Variants in ADGRV1 observed in about 807,000 individuals in gnomAD.
ADGRV1 encodes the protein G-protein coupled receptor 98.
Under a neutral mutation model 596.2 loss-of-function variants are expected in ADGRV1, and 359 were observed. That is an observed-to-expected ratio of 0.60 (90% CI 0.55 to 0.66). The LOEUF (loss-of-function observed/expected upper bound fraction) is 0.66, where lower values mean the gene tolerates loss of function less well. Ranked by LOEUF, ADGRV1 falls within the 30% of genes least tolerant of loss-of-function variation. The pLI is 0.00. For missense variants in ADGRV1, 7,274 were observed against 7,575.6 expected (o/e 0.96, Z 1.48); for synonymous variants, 2,681 against 2,679.2 (o/e 1.00, Z -0.02).
At chr5:91,051,106 G>T (rs1309797245) in intron 85 of ADGRV1, among the ~76,000 whole-genome samples, 1 of 152,184 alleles carries the variant, frequency 6.6e-6, no homozygotes, top group Non-Finnish European at 1.5e-5. Context: ...AGCACAACAT[G>T]AGATACAGAA....
chr5:90,611,346 G>A (rs567025399), intron 1 of ADGRV1, among the ~76,000 whole-genome samples: 1 of 152,020 alleles, frequency 6.6e-6, no homozygotes, highest in South Asian at 2.1e-4. Flanking sequence ...GACTCTGTCA[G>A]AACCTCACAG....
At chr5:91,135,585 T>G (rs991094859) in intron 87 of ADGRV1, among the ~76,000 whole-genome samples, 1 of 152,234 alleles carries the variant, frequency 6.6e-6, no homozygotes, top group African/African-American at 2.4e-5. Flanking sequence ...AGCTTTTAAT[T>G]CATAGAAGCT....
intron 85 of ADGRV1, among the ~76,000 whole-genome samples, chr5:91,001,308 C>T (rs892940921): frequency 1.3e-5 from 2 of 152,052 alleles, no homozygotes; most frequent in African/African-American, 4.8e-5. Flanking sequence ...GTACTGCTGA[C>T]CTGGAGGAAT....
Position 90,647,874 on chromosome 5 carries a change from C to T in ADGRV1, c.3289+110C>T, listed in dbSNP as rs13164404. On this transcript the variant is annotated intron_variant, in intron 17 of 89. Transcript: ENST00000405460. Reference sequence around the variant, plus strand: ...CAAGTAGGGCCTAACTACATTTGTACTATTCAAGAGTAAAATTATTTCATT... The same window carrying T: ...CAAGTAGGGCCTAACTACATTTGTATTATTCAAGAGTAAAATTATTTCATT... The T allele has an allele frequency of 0.073, 66,405 of 912,340 alleles. 2,822 individuals are homozygous for T. The highest frequency in any genetic ancestry group is 0.084 in the Non-Finnish European group (51,426 of 611,564). The allele number at this position is 912,340 out of a possible 1,614,324, so 56.5% of individuals were successfully genotyped here. A position where few individuals can be genotyped will look rare whatever the true frequency, so the allele number is the denominator to read the frequency against.
rs368717662 is a variant in ADGRV1, at chr5:91,011,504, C to G, written c.18152+25982C>G. ...GCCTAGATTCTAGGGAATTTCACTC[C>G]ACATTTTACCTCATCTATTTAGAAC... On this transcript the variant is annotated intron_variant, in intron 85 of 89. Coordinates refer to ENST00000405460, the MANE Select transcript of ADGRV1 (RefSeq NM_032119.4). 1.4e-4 allele frequency among the ~76,000 whole-genome samples: 22 copies of G among 151,960 alleles called. 1 individual carries two copies. In the South Asian group the frequency reaches 4.6e-3, roughly 32 times the overall value.
chr5:90,824,765 A>C, intron 76 of ADGRV1, among the ~76,000 whole-genome samples: 1 of 152,228 alleles, frequency 6.6e-6, no homozygotes, highest in Non-Finnish European at 1.5e-5. Flanking sequence ...ATATCAGTTA[A>C]ACAGTTGACT....
rs377474704 is a variant in ADGRV1, at chr5:90,628,606, A to G, written c.1283A>G (p.Asn428Ser). 4 of 1,613,750 alleles carry G rather than the reference A, an allele frequency of 2.5e-6. No homozygotes were observed. The African/African-American group carries it at 4.0e-5, about 16-fold the overall frequency. ...TVVRNGGTHG[N>S]VSANWVLTRN... ...GTTAGAAATGGAGGAACCCATGGGA[A>G]TGTCTCTGCGAATTGGGTGTTGACA... Residue 428 changes from asparagine (N) to serine (S), a missense_variant, in exon 8 of 90, where the codon AAT (asparagine) becomes AGT (serine). Around this residue, in one of 5 missense-constraint regions of ADGRV1, gnomAD observed 1,715 missense variants for 1,708.8 expected, o/e 1.00. Transcript: ENST00000405460.
intron 70 of ADGRV1, among the ~76,000 whole-genome samples, chr5:90,801,946 A>T (rs1761423286): frequency 6.6e-6 from 1 of 152,252 alleles, no homozygotes; most frequent in Non-Finnish European, 1.5e-5. Context: ...TTTATCCAAC[A>T]TAAATCAGTA....
At chr5:91,009,830 T>C (rs1782584317) in intron 85 of ADGRV1, among the ~76,000 whole-genome samples, 4 of 151,906 alleles carry the variant, frequency 2.6e-5, no homozygotes, top group Admixed American at 2.6e-4. Context: ...GTATTTAGAG[T>C]CAAGGAGAAA....
At chr5:90,834,204 C>G (rs1421213805) in intron 77 of ADGRV1, among the ~76,000 whole-genome samples, 1 of 152,088 alleles carries the variant, frequency 6.6e-6, no homozygotes, top group Non-Finnish European at 1.5e-5. Flanking sequence ...TTATAGTATT[C>G]TGTAATTTTC....
At chr5:91,100,766 G>A (rs1039778309) in intron 86 of ADGRV1, among the ~76,000 whole-genome samples, 4 of 152,252 alleles carry the variant, frequency 2.6e-5, no homozygotes, top group African/African-American at 9.6e-5. Flanking sequence ...CTTCAGTAAC[G>A]GGAAAAATTG....
At chr5:90,678,741 C>T (rs1348887704) in intron 25 of ADGRV1, among the ~76,000 whole-genome samples, 1 of 150,968 alleles carries the variant, frequency 6.6e-6, no homozygotes, top group Non-Finnish European at 1.5e-5. Context: ...GAACCCACTC[C>T]CAGGATAACA....
In ADGRV1 at chr5:90,657,895, C is replaced by G. The variant is rs1441899217; in HGVS notation, c.4379-10C>G. The G allele has an allele frequency of 6.3e-7, 1 of 1,592,696 alleles. No homozygotes were observed. Among genetic ancestry groups the G allele is most frequent in the East Asian group, 2.2e-5 (1 of 44,572 alleles). Reference sequence around the variant, plus strand: ...GGTATTGTAGCATTTAAACTTGTCTCTAATTTCAGGTCCTGGGATACTGAG... The same window carrying G: ...GGTATTGTAGCATTTAAACTTGTCTGTAATTTCAGGTCCTGGGATACTGAG... On this transcript the variant is annotated splice_polypyrimidine_tract_variant and intron_variant, in intron 20 of 89. Transcript: ENST00000405460.
At chr5:90,635,493 A>G (rs566425862) in intron 10 of ADGRV1, among the ~76,000 whole-genome samples, 1 of 152,296 alleles carries the variant, frequency 6.6e-6, no homozygotes, top group East Asian at 1.9e-4. Flanking sequence ...ATAGAATGAA[A>G]TTGGAATTAA....
intron 50 of ADGRV1, among the ~76,000 whole-genome samples, chr5:90,732,690 A>C (rs548033239): frequency 6.6e-6 from 1 of 152,286 alleles, no homozygotes; most frequent in African/African-American, 2.4e-5. Flanking sequence ...TCCACATATA[A>C]GTGAGATCAG....
At chr5:90,618,666 G>T (rs1763669757) in intron 3 of ADGRV1, among the ~76,000 whole-genome samples, 1 of 151,858 alleles carries the variant, frequency 6.6e-6, no homozygotes, top group Non-Finnish European at 1.5e-5. Context: ...TCTTCAGTTT[G>T]GTTCTGTGAT....
At chr5:90,906,704 G>C (rs973271406) in intron 83 of ADGRV1, among the ~76,000 whole-genome samples, 1 of 151,830 alleles carries the variant, frequency 6.6e-6, no homozygotes, top group Non-Finnish European at 1.5e-5. Context: ...CTGATGTTTT[G>C]TATTATTTTC....
At chr5:90,798,713 A>G (rs111353602) in intron 70 of ADGRV1, among the ~76,000 whole-genome samples, 36 of 152,352 alleles carry the variant, frequency 2.4e-4, no homozygotes, top group African/African-American at 8.4e-4. Context: ...CAGCACATCA[A>G]AAAGCTTATC....
At chr5:91,022,477 A>G (rs1351551158) in intron 85 of ADGRV1, among the ~76,000 whole-genome samples, 1 of 152,068 alleles carries the variant, frequency 6.6e-6, no homozygotes, top group East Asian at 1.9e-4. Flanking sequence ...ATATTTCAGT[A>G]AAACATTTGA....
Sources: gnomAD v4.1 joint callset for allele counts (sites outside exome capture counted in the v4.1 genomes callset) on GRCh38, gnomAD v4.1.1 for gene constraint, gnomAD v4.1.1 regional missense constraint, MANE v1.5 for transcripts, NCBI Gene and HGNC (gene_info 2026-07-23, HGNC 2026-07-21) for gene names.